Variants in SNUPN observed in about 807,000 individuals in gnomAD.
SNUPN encodes snurportin 1, also known as snurportin-1.
In SNUPN, 31 loss-of-function variants were observed where a neutral mutation model predicts 39.2. That is an observed-to-expected ratio of 0.79 (90% CI 0.59 to 1.07). The LOEUF (loss-of-function observed/expected upper bound fraction) is 1.07. Ranked by LOEUF, SNUPN falls within the 50% of genes least tolerant of loss-of-function variation. The pLI, the probability that SNUPN is intolerant of heterozygous loss-of-function variation, is 0.00. For missense variants in SNUPN, 382 were observed against 434.2 expected (o/e 0.88, Z 1.07); for synonymous variants, 132 against 159.0 (o/e 0.83, Z 1.28).
chr15:75,622,562 A>T (rs1435726174), intron 1 of SNUPN: 14 of 867,308 alleles, frequency 1.6e-5, no homozygotes, highest in Non-Finnish European at 1.8e-5. Flanking sequence ...AGATTATAAG[A>T]AAACAGGAAC....
At chr15:75,621,768 T>C (rs1369216801) in intron 1 of SNUPN, among the ~76,000 whole-genome samples, 1 of 152,294 alleles carries the variant, frequency 6.6e-6, no homozygotes, top group East Asian at 1.9e-4. Flanking sequence ...CCAGGCACGA[T>C]GGCTCATGCC....
intron 3 of SNUPN, among the ~76,000 whole-genome samples, chr15:75,610,418 A>T (rs907488220): frequency 6.5e-4 from 98 of 150,872 alleles, no homozygotes; most frequent in Non-Finnish European, 1.2e-3. Flanking sequence ...AAAAAAAAAA[A>T]GAATGAGGGC....
intron 2 of SNUPN, among the ~76,000 whole-genome samples, chr15:75,619,745 T>TTTTA (rs754886555): frequency 2.0e-3 from 297 of 151,872 alleles, no homozygotes; most frequent in African/African-American, 6.0e-3. Flanking sequence ...CTTCTATTTA[T>TTTTA]TTTATTTATT....
At chr15:75,602,394 T>C (rs1320611248) in intron 7 of SNUPN, among the ~76,000 whole-genome samples, 1 of 150,344 alleles carries the variant, frequency 6.7e-6, no homozygotes, top group Non-Finnish European at 1.5e-5. Flanking sequence ...GGCATGGTGG[T>C]ACATGCCAGT....
At chr15:75,616,903 C>T (rs76296010) in intron 3 of SNUPN, among the ~76,000 whole-genome samples, 3,920 of 152,258 alleles carry the variant, frequency 0.026, 168 homozygotes, top group African/African-American at 0.089. Context: ...TGGGCAGGCT[C>T]ACTTTATTCA....
At chr15:75,622,403 G>A (rs1893095399) in intron 1 of SNUPN, 2 of 985,138 alleles carry the variant, frequency 2.0e-6, no homozygotes, top group African/African-American at 3.5e-5. Flanking sequence ...CCAGTAGTGT[G>A]AAGAACTTCC....
At chr15:75,619,022 TAAAAAAAAAA>T (rs35749195) in intron 2 of SNUPN, among the ~76,000 whole-genome samples, 7 of 74,380 alleles carry the variant, frequency 9.4e-5, no homozygotes, top group South Asian at 5.4e-4. Context: ...CTACTTGTGT[TAAAAAAAAAA>T]AAAAAAAAAA....
chr15:75,604,022 C>T (rs982876130), intron 7 of SNUPN, among the ~76,000 whole-genome samples: 1 of 152,060 alleles, frequency 6.6e-6, no homozygotes, highest in Non-Finnish European at 1.5e-5. Flanking sequence ...ACATAGAGCA[C>T]TTAAACCAGT....
intron 8 of SNUPN, 79 bp from the exon 9 acceptor site, chr15:75,598,760 A>T: frequency 1.8e-6 from 2 of 1,140,792 alleles, no homozygotes; most frequent in Non-Finnish European, 2.5e-6. Flanking sequence ...ACACAAGGGC[A>T]GCTCTTGTGG....
chr15:75,617,998 C>T (rs1325505384), intron 2 of SNUPN, among the ~76,000 whole-genome samples: 1 of 152,216 alleles, frequency 6.6e-6, no homozygotes, highest in Non-Finnish European at 1.5e-5. Flanking sequence ...ATGATGGAAT[C>T]TCCTTTGCAA....
intron 1 of SNUPN, chr15:75,624,746 G>A (rs1424976630): frequency 7.8e-7 from 1 of 1,281,378 alleles, no homozygotes; most frequent in Admixed American, 2.4e-5. Context: ...GCGGGTTCCT[G>A]CTGTTTCGTT....
At chr15:75,603,706 A>G (rs2075309346) in intron 7 of SNUPN, among the ~76,000 whole-genome samples, 1 of 151,328 alleles carries the variant, frequency 6.6e-6, no homozygotes, top group South Asian at 2.1e-4. Flanking sequence ...TTTAACATAC[A>G]GTCAGGAGTG....
intron 2 of SNUPN, 91 bp downstream of exon 2, chr15:75,620,803 G>C: frequency 8.8e-7 from 1 of 1,135,344 alleles, no homozygotes; most frequent in South Asian, 1.6e-5. Context: ...CTACTTTGAA[G>C]GGAGAGTCTG....
chr15:75,603,534 G>A (rs1288235243), intron 7 of SNUPN, among the ~76,000 whole-genome samples: 2 of 151,020 alleles, frequency 1.3e-5, no homozygotes, highest in Middle Eastern at 3.2e-3. Flanking sequence ...GGTGGTGGGC[G>A]CCTATAGTCC....
In SNUPN at chr15:75,609,736, G is replaced by C. The variant is rs115512750; in HGVS notation, c.409-85C>G. 961 of 1,189,888 alleles carry C rather than the reference G, an allele frequency of 8.1e-4. 11 individuals are homozygous for C. The African/African-American group carries it at 0.012, about 15-fold the overall frequency. The allele number at this position is 1,189,888 out of a possible 1,614,324, so 73.7% of individuals were successfully genotyped here. On this transcript the variant is annotated intron_variant, in intron 4 of 8. Coordinates refer to ENST00000308588, the MANE Select transcript of SNUPN (RefSeq NM_005701.4). ...TCCTCATTCTGCAGGAATGTTACTC[G>C]ACCAAAGATGGCTCTCAACAAACCT... is the stretch of plus-strand genomic sequence containing the variant.
intron 8 of SNUPN, among the ~76,000 whole-genome samples, chr15:75,599,802 C>T (rs2075270725): frequency 1.3e-5 from 2 of 151,738 alleles, no homozygotes; most frequent in South Asian, 4.2e-4. Flanking sequence ...AAAATTACAT[C>T]CAGTTCAAGC....
intron 7 of SNUPN, among the ~76,000 whole-genome samples, chr15:75,603,333 T>C (rs2075305477): frequency 6.7e-6 from 1 of 148,182 alleles, no homozygotes; most frequent in African/African-American, 2.5e-5. Context: ...AGGCGTGAGC[T>C]ACCGCACTCG....
At chr15:75,609,801 C>T in intron 4 of SNUPN, 89 bp downstream of exon 4, 2 of 1,210,198 alleles carry the variant, frequency 1.7e-6, no homozygotes, top group Non-Finnish European at 2.4e-6. Context: ...CCAGGCACAG[C>T]TGTTGTGGCG....
chr15:75,601,098 TATC>T (rs1310425115), intron 8 of SNUPN, 37 bp downstream of exon 8: 1 of 1,366,942 alleles, frequency 7.3e-7, no homozygotes. Flanking sequence ...CTCTGCAGCC[TATC>T]ATCATGTCAA....
Sources: allele counts gnomAD v4.1 joint callset (sites outside exome capture counted in the v4.1 genomes callset), GRCh38; gene constraint gnomAD v4.1.1; transcripts MANE v1.5; gene names NCBI Gene and HGNC (gene_info 2026-07-23, HGNC 2026-07-21).